Variants in PKIB observed in about 807,000 individuals in gnomAD.
The protein encoded by PKIB is PKI-beta.
In PKIB, 2 loss-of-function variants were observed where a neutral mutation model predicts 4.5. That is an observed-to-expected ratio of 0.44 (90% CI 0.18 to 1.39). PKIB has a LOEUF of 1.39. Among genes scored for constraint, PKIB ranks in the 40% most tolerant of loss-of-function variants. The pLI, the probability that PKIB is intolerant of heterozygous loss-of-function variation, is 0.27. For synonymous variants in PKIB, 38 were observed against 36.0 expected (o/e 1.06, Z -0.20); for missense variants, 94 against 92.6 (o/e 1.02, Z -0.06).
intron 2 of PKIB, among the ~76,000 whole-genome samples, chr6:122,504,097 C>T (rs1276073181): frequency 6.6e-6 from 1 of 152,012 alleles, no homozygotes; most frequent in Non-Finnish European, 1.5e-5. Context: ...GCTCAGTGTT[C>T]TGGGCCTATG....
At chr6:122,670,020 C>A (rs1777391289) in intron 2 of PKIB, among the ~76,000 whole-genome samples, 1 of 151,350 alleles carries the variant, frequency 6.6e-6, no homozygotes, top group Non-Finnish European at 1.5e-5. Context: ...GGGATGCAGG[C>A]CCCTTCTATC....
intron 4 of PKIB, among the ~76,000 whole-genome samples, chr6:122,723,530 T>C (rs1253647222): frequency 6.6e-6 from 1 of 152,168 alleles, no homozygotes; most frequent in African/African-American, 2.4e-5. Context: ...ACTTTCAAAA[T>C]TGGTCCATAA....
At chr6:122,720,500 G>A (rs982449815) in intron 4 of PKIB, among the ~76,000 whole-genome samples, 2 of 152,060 alleles carry the variant, frequency 1.3e-5, no homozygotes, top group Admixed American at 6.6e-5. Context: ...AACTCCTAGA[G>A]CAGTCAGGCA....
chr6:122,668,933 G>T (rs544566335), intron 2 of PKIB, among the ~76,000 whole-genome samples: 1 of 152,198 alleles, frequency 6.6e-6, no homozygotes, highest in Non-Finnish European at 1.5e-5. Context: ...ATCAGCCCCT[G>T]GCTGGGTGCG....
At chr6:122,715,919 G>T (rs141675256) in intron 3 of PKIB, among the ~76,000 whole-genome samples, 1 of 151,858 alleles carries the variant, frequency 6.6e-6, no homozygotes, top group African/African-American at 2.4e-5. Context: ...TAAATGAGTC[G>T]CTTAACCTCT....
At chr6:122,724,266 C>T (rs1006354631) in intron 4 of PKIB, among the ~76,000 whole-genome samples, 4 of 151,970 alleles carry the variant, frequency 2.6e-5, no homozygotes, top group South Asian at 2.1e-4. Flanking sequence ...AAATGAAGAG[C>T]GCAGATGATT....
chr6:122,658,681 G>A (rs1776868801), intron 2 of PKIB, among the ~76,000 whole-genome samples: 1 of 151,424 alleles, frequency 6.6e-6, no homozygotes, highest in South Asian at 2.1e-4. Flanking sequence ...CTGAATTAAG[G>A]CCAGGGGAAA....
intron 2 of PKIB, among the ~76,000 whole-genome samples, chr6:122,573,531 AAAAAAAG>A (rs1773434885): frequency 6.7e-6 from 1 of 149,876 alleles, no homozygotes; most frequent in African/African-American, 2.4e-5. Flanking sequence ...CAAAAAAAAA[AAAAAAAG>A]AAAAAGAAAA....
At position 122,504,157 on chromosome 6, in the gene PKIB, A is replaced by T. The variant is rs569753000; in HGVS notation, c.-248+26218A>T. On this transcript the variant is annotated intron_variant, in intron 2 of 6. Coordinates refer to the PKIB transcript ENST00000392491. ...TGCGGTAATGATAAATATTTTTTTTATGAGGCTTTATTACTGTTGTCAAAT... is the reference window on the plus strand; with the variant it reads ...TGCGGTAATGATAAATATTTTTTTTTTGAGGCTTTATTACTGTTGTCAAAT... Among the ~76,000 whole-genome samples, 8 of 152,118 alleles carry T rather than the reference A, an allele frequency of 5.3e-5. No homozygotes were observed. In the South Asian group the frequency reaches 1.7e-3, roughly 32 times the overall value.
At chr6:122,706,767 A>T (rs1207199412) in intron 3 of PKIB, among the ~76,000 whole-genome samples, 1 of 152,192 alleles carries the variant, frequency 6.6e-6, no homozygotes, top group Non-Finnish European at 1.5e-5. Context: ...GCCATTTTTC[A>T]TATCATAAAA....
intron 2 of PKIB, among the ~76,000 whole-genome samples, chr6:122,547,945 C>T (rs1772555552): frequency 6.6e-6 from 1 of 152,114 alleles, no homozygotes; most frequent in African/African-American, 2.4e-5. Context: ...TTGACTAAAG[C>T]ACATCCATAT....
At chr6:122,714,764 A>G (rs1374157598) in intron 3 of PKIB, among the ~76,000 whole-genome samples, 2 of 152,106 alleles carry the variant, frequency 1.3e-5, no homozygotes, top group African/African-American at 2.4e-5. Context: ...AATCTGTACA[A>G]CAAATCCCCA....
intron 2 of PKIB, among the ~76,000 whole-genome samples, chr6:122,528,041 A>T (rs1229041164): frequency 3.9e-5 from 6 of 152,036 alleles, no homozygotes; most frequent in Admixed American, 3.9e-4. Context: ...GTATATTTTT[A>T]TTTGGAAACT....
Position 122,531,643 on chromosome 6 carries a change from G to A in PKIB, c.-248+53704G>A, listed in dbSNP as rs76909630. Reference sequence around the variant, plus strand: ...ACTCAGCTTTTGAGACCCATCCCAGGTGTCTCCACCTCCTTCCACTCCCCA... The same window carrying A: ...ACTCAGCTTTTGAGACCCATCCCAGATGTCTCCACCTCCTTCCACTCCCCA... On this transcript the variant is annotated intron_variant, in intron 2 of 6. Transcript: ENST00000392491. Among the ~76,000 whole-genome samples, 343 of 152,134 alleles carry A rather than the reference G, an allele frequency of 2.3e-3. 8 individuals are homozygous for A. The East Asian group carries it at 0.044, about 19-fold the overall frequency.
chr6:122,552,356 AGTTTTGTTGTTGTTTT>A (rs2114656971), intron 2 of PKIB, among the ~76,000 whole-genome samples: 1 of 151,962 alleles, frequency 6.6e-6, no homozygotes, highest in Admixed American at 6.6e-5. Flanking sequence ...CATCTCAGGC[AGTTTTGTTGTTGTTTT>A]GTTTTGTTTT....
At chr6:122,717,115 A>G (rs781282218) in intron 3 of PKIB, among the ~76,000 whole-genome samples, 1 of 152,146 alleles carries the variant, frequency 6.6e-6, no homozygotes, top group Non-Finnish European at 1.5e-5. Flanking sequence ...ATTCTTTCTT[A>G]GAGAGAGACA....
intron 2 of PKIB, among the ~76,000 whole-genome samples, chr6:122,640,537 C>A (rs1776082631): frequency 6.6e-6 from 1 of 152,176 alleles, no homozygotes; most frequent in South Asian, 2.1e-4. Context: ...AGAGAGCCTG[C>A]TCATGCAAGT....
At chr6:122,585,005 C>G (rs955645640) in intron 2 of PKIB, among the ~76,000 whole-genome samples, 1 of 152,066 alleles carries the variant, frequency 6.6e-6, no homozygotes, top group African/African-American at 2.4e-5. Flanking sequence ...AGTTACCACT[C>G]TTTTTCTAGA....
intron 2 of PKIB, among the ~76,000 whole-genome samples, chr6:122,655,059 C>T (rs938522816): frequency 5.3e-5 from 8 of 152,122 alleles, no homozygotes; most frequent in Admixed American, 4.6e-4. Context: ...ATGATCTCAG[C>T]CCATTGCAAC....
Sources: allele counts gnomAD v4.1 joint callset (sites outside exome capture counted in the v4.1 genomes callset), GRCh38; gene constraint gnomAD v4.1.1; transcripts MANE v1.5; gene names NCBI Gene and HGNC (gene_info 2026-07-23, HGNC 2026-07-21).